SPTA1: variants seen among roughly 807,000 people sequenced by gnomAD.
The protein encoded by SPTA1 is spectrin alpha, erythrocytic 1, also known as spectrin alpha chain, erythrocytic 1.
In SPTA1, 177 loss-of-function variants were observed where a neutral mutation model predicts 324.7. The ratio of observed to expected loss-of-function variants is 0.55; its 90% confidence interval spans 0.48 to 0.62. SPTA1 has a LOEUF of 0.62. SPTA1 is among the 20% of genes least tolerant of loss of function. The pLI, the probability that SPTA1 is intolerant of heterozygous loss-of-function variation, is 0.00. For synonymous variants in SPTA1, 1,195 were observed against 1,041.3 expected (o/e 1.15, Z -2.84); for missense variants, 3,162 against 2,883.6 (o/e 1.10, Z -2.21).
intron 45 of SPTA1, 119 bp from the exon 46 acceptor site, chr1:158,618,175 G>C: frequency 1.8e-6 from 2 of 1,126,448 alleles, no homozygotes; most frequent in East Asian, 4.8e-5. Flanking sequence ...ATCTTTTGTT[G>C]CCACAAAACA....
chr1:158,616,817 A>AT (rs978355354), intron 47 of SPTA1, among the ~76,000 whole-genome samples: 12 of 151,958 alleles, frequency 7.9e-5, no homozygotes, highest in African/African-American at 2.7e-4. Flanking sequence ...TATCTTTTTA[A>AT]TTTTTTGAGG....
intron 37 of SPTA1, 145 bp downstream of exon 37, chr1:158,636,496 A>G: frequency 1.0e-6 from 1 of 959,778 alleles, no homozygotes; most frequent in Non-Finnish European, 1.6e-6. Flanking sequence ...TGGAAGAGAA[A>G]AGAATATTTG....
intron 29 of SPTA1, 54 bp from the exon 30 acceptor site, chr1:158,644,450 A>C: frequency 6.2e-7 from 1 of 1,601,686 alleles, no homozygotes; most frequent in South Asian, 1.1e-5. Flanking sequence ...TGTGGAGGAA[A>C]TGATGTTACA....
In SPTA1 at chr1:158,672,157, G is replaced by A. The variant is rs1185119542; in HGVS notation, c.1390C>T (p.Leu464=). 1 of 1,614,052 alleles carries A rather than the reference G, an allele frequency of 6.2e-7. No homozygotes were observed. Among genetic ancestry groups the A allele is most frequent in the Admixed American group, 1.7e-5 (1 of 59,996 alleles). ...TACTGACGATGACGCTCGTCCCACA[G>A]TTCCAGCAGGGCAGTCCAGTTGTTG... ...LDNNWTALLE[L]WDERHRQYEQ... Residue 464 remains leucine, a synonymous_variant, in exon 11 of 52, where the codon CTG becomes TTG. Coordinates refer to ENST00000643759, the MANE Select transcript of SPTA1 (RefSeq NM_003126.4).
At chr1:158,680,442 A>G in intron 5 of SPTA1, 141 bp downstream of exon 5, 1 of 1,191,230 alleles carries the variant, frequency 8.4e-7, no homozygotes, top group South Asian at 1.3e-5. Flanking sequence ...GAAACTGTTC[A>G]GAATATGTTA....
rs1424742782 is a variant in SPTA1, at chr1:158,659,697, G to T, written c.2587+1590C>A. Among the ~76,000 whole-genome samples the T allele has an allele frequency of 5.0e-5, 3 of 59,436 alleles. 1 individual carries two copies. The highest frequency in any genetic ancestry group is 4.4e-4 in the African/African-American group (2 of 4,518). 39.0% of individuals were successfully genotyped at this position (59,436 alleles called of 152,430 possible). On this transcript the variant is annotated intron_variant, in intron 18 of 51. Coordinates refer to ENST00000643759, the MANE Select transcript of SPTA1 (RefSeq NM_003126.4). ...GCAATCTCGGCTCACTGCAAGCTCCGCTTCCCGGGTTCACGCCATTCTCCT... is the reference window on the plus strand; with the variant it reads ...GCAATCTCGGCTCACTGCAAGCTCCTCTTCCCGGGTTCACGCCATTCTCCT...
Position 158,628,646 on chromosome 1 carries a change from A to G in SPTA1, c.5566-923T>C, listed in dbSNP as rs568779747. On this transcript the variant is annotated intron_variant, in intron 39 of 51. Transcript: ENST00000643759. ...TGACTTTGTATGACTGAAAGCCTGA[A>G]TGAATCATATTTTTATATATGTATA... Among the ~76,000 whole-genome samples, 8 of 152,290 alleles carry G rather than the reference A, an allele frequency of 5.3e-5. No individual in the cohort carries two copies. In the South Asian group the frequency reaches 1.7e-3, roughly 32 times the overall value.
At chr1:158,667,613 A>G (rs564510681) in intron 15 of SPTA1, among the ~76,000 whole-genome samples, 3 of 152,368 alleles carry the variant, frequency 2.0e-5, no homozygotes, top group Admixed American at 2.0e-4. Context: ...CTCACCTGCC[A>G]CTGCTAAAAA....
chr1:158,685,677 A>T (rs909221625), intron 1 of SPTA1, among the ~76,000 whole-genome samples: 19 of 152,184 alleles, frequency 1.2e-4, no homozygotes, highest in African/African-American at 4.6e-4. Context: ...CAGATAGATA[A>T]AAAGAAATAT....
Position 158,639,562 on chromosome 1 carries a change from G to C in SPTA1, c.4980+20C>G. ...ATATTTCTATTCTGCCCAGAGGAGAGGGATGCCAACACTACTTACCTCTCG... is the reference window on the plus strand; with the variant it reads ...ATATTTCTATTCTGCCCAGAGGAGACGGATGCCAACACTACTTACCTCTCG... On this transcript the variant is annotated intron_variant, in intron 35 of 51. Coordinates refer to ENST00000643759, the MANE Select transcript of SPTA1 (RefSeq NM_003126.4). 6.2e-7 allele frequency: 1 copy of C among 1,609,856 alleles called. No homozygotes were observed. The highest frequency in any genetic ancestry group is 8.5e-7 in the Non-Finnish European group (1 of 1,176,314).
chr1:158,661,432 A>C (rs746829257), intron 17 of SPTA1, 23 bp from the exon 18 acceptor site: 1 of 1,613,704 alleles, frequency 6.2e-7, no homozygotes, highest in Admixed American at 1.7e-5. Context: ...GGAATTTCAA[A>C]GTTTCGGATT....
chr1:158,633,661 GA>G (rs1036389907), intron 39 of SPTA1, among the ~76,000 whole-genome samples: 7,582 of 61,118 alleles, frequency 0.12, 404 homozygotes, highest in African/African-American at 0.29. Context: ...ACTCTGTCTC[GA>G]AAAAAAAAAA....
At chr1:158,640,148 A>T in intron 33 of SPTA1, 141 bp from the exon 34 acceptor site, 2 of 1,020,578 alleles carry the variant, frequency 2.0e-6, no homozygotes, top group Non-Finnish European at 3.0e-6. Context: ...ATTTCAAACC[A>T]GTTATACTTA....
intron 39 of SPTA1, among the ~76,000 whole-genome samples, chr1:158,629,638 C>T (rs185108586): frequency 1.2e-4 from 19 of 152,088 alleles, no homozygotes; most frequent in Admixed American, 1.2e-3. Context: ...AAGATAATCG[C>T]TCTCACTATT....
intron 10 of SPTA1, among the ~76,000 whole-genome samples, chr1:158,673,762 G>A (rs957983228): frequency 6.6e-6 from 1 of 152,274 alleles, no homozygotes; most frequent in Middle Eastern, 3.4e-3. Flanking sequence ...AAATTAGGTA[G>A]AAGTCAGAGG....
Position 158,619,508 on chromosome 1 carries a change from A to G in SPTA1, c.6418-174T>C, listed in dbSNP as rs572975915. Among the ~76,000 whole-genome samples the G allele has an allele frequency of 1.8e-4, 27 of 152,172 alleles. 1 individual carries two copies. The highest frequency in any genetic ancestry group is 4.6e-4 in the Admixed American group (7 of 15,286). On this transcript the variant is annotated intron_variant, in intron 44 of 51. Transcript: ENST00000643759. Reference sequence around the variant, plus strand: ...GCAGTCAACCTCTCTCACCTCTAAAATGTAAAGATAGCCTGTGTATTTCCC... The same window carrying G: ...GCAGTCAACCTCTCTCACCTCTAAAGTGTAAAGATAGCCTGTGTATTTCCC...
Position 158,661,403 on chromosome 1 carries a change from T to A in SPTA1, c.2471A>T (p.Asp824Val), listed in dbSNP as rs748829306. 6.2e-7 allele frequency: 1 copy of A among 1,613,748 alleles called. No homozygotes were observed. Among genetic ancestry groups the A allele is most frequent in the Admixed American group, 1.7e-5 (1 of 59,988 alleles). The change falls in exon 18 of 52, where the codon GAC becomes GTC. Residue 824 changes from aspartate to valine, a missense_variant. By Grantham distance (152) the Asp-to-Val change is radical (BLOSUM62 -3). Transcript: ENST00000643759. ...PSATSTYLGKDLIASKKLLNR... is the reference protein window; with the variant it reads ...PSATSTYLGKVLIASKKLLNR... ...CAGAAGCTTTTTGGAAGCAATCAGG[T>A]CCTTTCCTGCAGAGGAAAGGAATTT...
rs773808306 is a variant in SPTA1, at chr1:158,620,958, AC to A, written c.6121-493del. On this transcript the variant is annotated intron_variant, in intron 43 of 51. Transcript: ENST00000643759. Reference sequence around the variant, plus strand: ...TATCCTACAAGCTTCTGTAGACCACACCCAGCTGACTTCTCTTTGACAAGGC... The same window carrying A: ...TATCCTACAAGCTTCTGTAGACCACACCAGCTGACTTCTCTTTGACAAGGC... Among the ~76,000 whole-genome samples, 11 of 151,898 alleles carry A rather than the reference AC, an allele frequency of 7.2e-5. No homozygotes were observed. In the East Asian group the frequency reaches 1.9e-3, roughly 27 times the overall value.
intron 33 of SPTA1, among the ~76,000 whole-genome samples, chr1:158,641,551 A>G (rs926409066): frequency 2.6e-5 from 4 of 152,258 alleles, no homozygotes; most frequent in African/African-American, 7.2e-5. Flanking sequence ...CAAAAGACAC[A>G]TGAAAAAATG....
Sources: allele counts gnomAD v4.1 joint callset (sites outside exome capture counted in the v4.1 genomes callset), GRCh38; gene constraint gnomAD v4.1.1; transcripts MANE v1.5; gene names NCBI Gene and HGNC (gene_info 2026-07-23, HGNC 2026-07-21).